Variants in CCSER1 observed in about 807,000 individuals in gnomAD.
The protein encoded by CCSER1 is serine-rich coiled-coil domain-containing protein 1.
Under a neutral mutation model 82.0 loss-of-function variants are expected in CCSER1, and 41 were observed. The ratio of observed to expected loss-of-function variants is 0.50; its 90% CI spans 0.39 to 0.65. The LOEUF (loss-of-function observed/expected upper bound fraction) is 0.65. Ranked by LOEUF, CCSER1 falls within the 30% of genes least tolerant of loss-of-function variation. The pLI is 0.00. For missense variants in CCSER1, 1,119 were observed against 1,064.2 expected, an observed-to-expected ratio of 1.05 and a Z score of -0.72; for synonymous variants, 414 against 383.9, an observed-to-expected ratio of 1.08 and a Z score of -0.92.
chr4:90,471,832 C>T (rs2153591012), intron 5 of CCSER1, among the ~76,000 whole-genome samples: 1 of 152,046 alleles, frequency 6.6e-6, no homozygotes, highest in South Asian at 2.1e-4. Context: ...AAAAAATTAG[C>T]CAGGCATGGT....
chr4:90,606,198 A>T (rs1277844888), intron 5 of CCSER1, among the ~76,000 whole-genome samples: 3 of 116,838 alleles, frequency 2.6e-5, no homozygotes, highest in African/African-American at 4.9e-5. Flanking sequence ...CCATGGGGAG[A>T]GTCCTAGTTG....
At chr4:90,777,548 T>C (rs1188888775) in intron 7 of CCSER1, among the ~76,000 whole-genome samples, 1 of 152,132 alleles carries the variant, frequency 6.6e-6, no homozygotes, top group Non-Finnish European at 1.5e-5. Flanking sequence ...CAGGTTCAAA[T>C]GAATATGCCA....
At chr4:90,232,695 A>C (rs1440441923) in intron 1 of CCSER1, among the ~76,000 whole-genome samples, 2 of 143,184 alleles carry the variant, frequency 1.4e-5, no homozygotes, top group African/African-American at 2.7e-5. Flanking sequence ...CAACCTACAA[A>C]ATGGGAGAAA....
chr4:90,145,149 A>T (rs1446123725), intron 1 of CCSER1, among the ~76,000 whole-genome samples: 1 of 152,082 alleles, frequency 6.6e-6, no homozygotes, highest in Non-Finnish European at 1.5e-5. Context: ...TTCTATTTTT[A>T]TGTTACTTTC....
At chr4:90,719,199 G>A (rs921160206) in intron 6 of CCSER1, among the ~76,000 whole-genome samples, 1 of 151,982 alleles carries the variant, frequency 6.6e-6, no homozygotes, top group African/African-American at 2.4e-5. Context: ...GATCAGCTGC[G>A]GCATTAGAGA....
chr4:90,264,574 C>A (rs182290915), intron 1 of CCSER1, among the ~76,000 whole-genome samples: 1 of 152,086 alleles, frequency 6.6e-6, no homozygotes, highest in South Asian at 2.1e-4. Context: ...TTCCTGTTTA[C>A]TGGAATGCTT....
At chr4:90,782,952 G>A (rs1281429948) in intron 7 of CCSER1, among the ~76,000 whole-genome samples, 1 of 149,120 alleles carries the variant, frequency 6.7e-6, no homozygotes, top group Non-Finnish European at 1.5e-5. Flanking sequence ...AGTGCGTTTT[G>A]AGACGGAGTC....
intron 10 of CCSER1, among the ~76,000 whole-genome samples, chr4:91,529,916 A>G (rs1760939416): frequency 6.6e-6 from 1 of 152,150 alleles, no homozygotes; most frequent in Non-Finnish European, 1.5e-5. Context: ...CTGAATGTAT[A>G]TTACATATTT....
chr4:91,439,609 A>C (rs1754958554), intron 10 of CCSER1, among the ~76,000 whole-genome samples: 1 of 152,136 alleles, frequency 6.6e-6, no homozygotes, highest in Non-Finnish European at 1.5e-5. Context: ...ATTCACACAT[A>C]ACAATATTAA....
At chr4:90,725,368 G>T (rs1043488400) in intron 7 of CCSER1, among the ~76,000 whole-genome samples, 1 of 151,488 alleles carries the variant, frequency 6.6e-6, no homozygotes, top group Non-Finnish European at 1.5e-5. Context: ...AATATAATTA[G>T]TTTCTCTAAC....
chr4:90,491,663 T>C (rs1768040109), intron 5 of CCSER1, among the ~76,000 whole-genome samples: 1 of 152,196 alleles, frequency 6.6e-6, no homozygotes, highest in Admixed American at 6.5e-5. Flanking sequence ...TTGCCATAAA[T>C]AGCTCTTATT....
At chr4:90,640,158 A>C in intron 6 of CCSER1, among the ~76,000 whole-genome samples, 1 of 152,180 alleles carries the variant, frequency 6.6e-6, no homozygotes, top group East Asian at 1.9e-4. Flanking sequence ...GCATAGTAAT[A>C]AGCTTTAGGA....
At chr4:90,641,421 T>G (rs1161054473) in intron 6 of CCSER1, among the ~76,000 whole-genome samples, 1 of 152,102 alleles carries the variant, frequency 6.6e-6, no homozygotes, top group Non-Finnish European at 1.5e-5. Context: ...ACAGAGGTCT[T>G]TCTAGGTATT....
At chr4:91,493,540 T>C (rs772460416) in intron 10 of CCSER1, among the ~76,000 whole-genome samples, 12 of 151,858 alleles carry the variant, frequency 7.9e-5, no homozygotes, top group Non-Finnish European at 1.8e-4. Flanking sequence ...GCAATAATTA[T>C]GGAATTCTTA....
chr4:90,297,683 A>T (rs1452903756), intron 1 of CCSER1, among the ~76,000 whole-genome samples: 9 of 151,792 alleles, frequency 5.9e-5, no homozygotes, highest in Non-Finnish European at 1.3e-4. Context: ...CACCTAATTT[A>T]TTGAGAGTTT....
At chr4:90,397,989 G>A (rs184423709) in intron 3 of CCSER1, among the ~76,000 whole-genome samples, 174 of 152,270 alleles carry the variant, frequency 1.1e-3, no homozygotes, top group African/African-American at 3.7e-3. Flanking sequence ...TACAGACTGG[G>A]TGGCTTAAAC....
At chr4:91,177,179 A>G (rs930994059) in intron 10 of CCSER1, among the ~76,000 whole-genome samples, 1 of 152,150 alleles carries the variant, frequency 6.6e-6, no homozygotes, top group African/African-American at 2.4e-5. Context: ...CAACTTGATC[A>G]TGGTGGATAA....
intron 10 of CCSER1, among the ~76,000 whole-genome samples, chr4:91,189,680 T>G (rs1734843521): frequency 6.6e-6 from 1 of 152,184 alleles, no homozygotes; most frequent in African/African-American, 2.4e-5. Context: ...TTTTCTTTTT[T>G]CAACTTATAA....
intron 6 of CCSER1, among the ~76,000 whole-genome samples, chr4:90,636,230 T>C (rs1326548743): frequency 6.6e-6 from 1 of 151,870 alleles, no homozygotes; most frequent in Admixed American, 6.6e-5. Context: ...AAATACAGCT[T>C]TCCAAAGTGA....
Sources: gnomAD v4.1 joint callset for allele counts (sites outside exome capture counted in the v4.1 genomes callset) on GRCh38, gnomAD v4.1.1 for gene constraint, MANE v1.5 for transcripts, NCBI Gene and HGNC (gene_info 2026-07-23, HGNC 2026-07-21) for gene names.